The following MAP3K1 variants were observed in gnomAD, a reference collection of about 807,000 sequenced individuals.
MAP3K1 encodes MAP/ERK kinase kinase 1.
Under a neutral mutation model 144.2 loss-of-function variants are expected in MAP3K1, and 36 were observed. That is an observed-to-expected ratio of 0.25 (90% confidence interval 0.19 to 0.33). The LOEUF is 0.33. MAP3K1 is among the 10% of genes least tolerant of loss of function. The pLI is 1.00. For synonymous variants in MAP3K1, 718 were observed against 688.7 expected (o/e 1.04, Z -0.67); for missense variants, 1,650 against 1,881.9 (o/e 0.88, Z 2.28).
At chr5:56,887,653 T>C in intron 18 of MAP3K1, 133 bp downstream of exon 18, 1 of 935,902 alleles carries the variant, frequency 1.1e-6, no homozygotes, top group East Asian at 2.5e-5. Flanking sequence ...AAAATACGGT[T>C]TTAATAATAT....
intron 17 of MAP3K1, among the ~76,000 whole-genome samples, chr5:56,887,029 C>T (rs1748397578): frequency 6.6e-6 from 1 of 152,204 alleles, no homozygotes; most frequent in Non-Finnish European, 1.5e-5. Context: ...TCCCACAGTG[C>T]TGAGATTACA....
chr5:56,824,482 A>C (rs1746249725), intron 1 of MAP3K1, among the ~76,000 whole-genome samples: 1 of 152,250 alleles, frequency 6.6e-6, no homozygotes, highest in South Asian at 2.1e-4. Context: ...CCCCAAAGGC[A>C]GCAGTGTTGG....
intron 1 of MAP3K1, among the ~76,000 whole-genome samples, chr5:56,828,189 T>C (rs1028533151): frequency 6.6e-6 from 1 of 152,132 alleles, no homozygotes; most frequent in Non-Finnish European, 1.5e-5. Flanking sequence ...AACAATACAT[T>C]TTCCCCTGTT....
intron 10 of MAP3K1, among the ~76,000 whole-genome samples, chr5:56,875,588 A>G (rs186152448): frequency 7.9e-5 from 12 of 152,276 alleles, no homozygotes; most frequent in African/African-American, 2.9e-4. Flanking sequence ...GAATATAGTC[A>G]TGGTTTCTTA....
intron 1 of MAP3K1, among the ~76,000 whole-genome samples, chr5:56,833,393 T>C (rs1746555212): frequency 6.6e-6 from 1 of 152,212 alleles, no homozygotes; most frequent in Admixed American, 6.5e-5. Flanking sequence ...TTTGGAGTAC[T>C]TCACAGAGTG....
intron 1 of MAP3K1, among the ~76,000 whole-genome samples, chr5:56,832,897 G>A (rs1227819378): frequency 6.6e-6 from 1 of 152,244 alleles, no homozygotes; most frequent in African/African-American, 2.4e-5. Context: ...TTTTGAGACG[G>A]AGTCTCGCTC....
In MAP3K1 at chr5:56,815,986, C is replaced by T; in HGVS notation, c.413C>T (p.Pro138Leu). 1 of 1,247,914 alleles carries T rather than the reference C, an allele frequency of 8.0e-7. No homozygotes were observed. The highest frequency in any genetic ancestry group is 1.6e-5 in the African/African-American group (1 of 63,964). The allele number at this position is 1,247,914 out of a possible 1,614,324, so 77.3% of individuals were successfully genotyped here. A position where few individuals can be genotyped will look rare whatever the true frequency, so the allele number is the denominator to read the frequency against. The change falls in exon 1 of 20, where the codon CCC (proline) becomes CTC (leucine). Residue 138 changes from proline to leucine, a missense_variant. Transcript: ENST00000399503. ...VAAPDSGASS[P>L]AAAEPGEKRA... ...GCGCCGGACAGCGGCGCCTCGAGTC[C>T]CGCAGCGGCCGAGCCCGGGGAGAAG...
At chr5:56,835,570 A>G (rs1253097287) in intron 1 of MAP3K1, among the ~76,000 whole-genome samples, 2 of 151,954 alleles carry the variant, frequency 1.3e-5, no homozygotes, top group African/African-American at 4.8e-5. Context: ...TGGGAGTGGG[A>G]CGTACTTTAC....
chr5:56,819,291 A>G (rs933883591), intron 1 of MAP3K1, among the ~76,000 whole-genome samples: 1 of 152,226 alleles, frequency 6.6e-6, no homozygotes, highest in African/African-American at 2.4e-5. Flanking sequence ...AAAAACAGGA[A>G]GTAGCCCTGT....
In MAP3K1 at chr5:56,816,728, G is replaced by A. The variant is rs971062282; in HGVS notation, c.482+673G>A. Among the ~76,000 whole-genome samples the A allele has an allele frequency of 2.6e-5, 4 of 152,222 alleles. No individual in the cohort carries two copies. In the South Asian group the frequency reaches 8.3e-4, roughly 31 times the overall value. The stretch of plus-strand genomic sequence containing the variant: ...CGCCTGTCAAAGCCGTGCGGCGGGA[G>A]GCTGCACACTCGCGGAGGCTTGCAG... On this transcript the variant is annotated intron_variant, in intron 1 of 19. Coordinates refer to ENST00000399503, the MANE Select transcript of MAP3K1 (RefSeq NM_005921.2).
intron 9 of MAP3K1, among the ~76,000 whole-genome samples, 196 bp from the exon 10 acceptor site, chr5:56,874,836 A>AT (rs1747972179): frequency 1.3e-5 from 2 of 152,296 alleles, no homozygotes; most frequent in African/African-American, 4.8e-5. Flanking sequence ...ACTTTGGATA[A>AT]TTATCAGTTA....
At chr5:56,836,844 A>G (rs138599586) in intron 1 of MAP3K1, among the ~76,000 whole-genome samples, 3 of 152,302 alleles carry the variant, frequency 2.0e-5, no homozygotes, top group African/African-American at 7.2e-5. Context: ...AACAGTGAAC[A>G]CAATCGATTC....
At chr5:56,888,171 G>T (rs1031018287) in intron 18 of MAP3K1, 55 bp from the exon 19 acceptor site, 1 of 1,523,164 alleles carries the variant, frequency 6.6e-7, no homozygotes, top group African/African-American at 1.4e-5. Context: ...ACTACAAAAT[G>T]GCCTTCTCTT....
intron 1 of MAP3K1, among the ~76,000 whole-genome samples, chr5:56,825,747 T>C (rs1746292779): frequency 2.0e-5 from 3 of 152,166 alleles, no homozygotes. Flanking sequence ...TGAGAATCCA[T>C]CCAACTTCCT....
intron 18 of MAP3K1, 72 bp from the exon 19 acceptor site, chr5:56,888,154 A>G (rs1239698813): frequency 2.9e-6 from 4 of 1,389,654 alleles, no homozygotes; most frequent in Non-Finnish European, 4.1e-6. Flanking sequence ...AGGAAGTAGA[A>G]TCTATAACTA....
intron 3 of MAP3K1, among the ~76,000 whole-genome samples, 161 bp from the exon 4 acceptor site, chr5:56,864,573 C>T (rs1415317275): frequency 1.3e-5 from 2 of 152,070 alleles, no homozygotes; most frequent in Non-Finnish European, 2.9e-5. Context: ...ATGGGTTTCA[C>T]CATGTTAACC....
At chr5:56,831,699 A>G (rs1230626377) in intron 1 of MAP3K1, among the ~76,000 whole-genome samples, 1 of 152,248 alleles carries the variant, frequency 6.6e-6, no homozygotes, top group Non-Finnish European at 1.5e-5. Flanking sequence ...GACTAATGCA[A>G]AAATTAAATG....
At chr5:56,882,907 GGCT>G (rs751706010) in intron 14 of MAP3K1, 41 bp downstream of exon 14, 5 of 1,505,658 alleles carry the variant, frequency 3.3e-6, no homozygotes, top group Non-Finnish European at 4.6e-6. Context: ...ACTTCCTTGG[GGCT>G]GGGCACAGTG....
intron 1 of MAP3K1, among the ~76,000 whole-genome samples, chr5:56,851,079 T>C (rs1236558071): frequency 2.6e-5 from 4 of 151,786 alleles, no homozygotes; most frequent in Non-Finnish European, 2.9e-5. Context: ...CCCTACTAGC[T>C]GGGATTACAG....
Sources: allele counts gnomAD v4.1 joint callset (sites outside exome capture counted in the v4.1 genomes callset), GRCh38; gene constraint gnomAD v4.1.1; transcripts MANE v1.5; gene names NCBI Gene and HGNC (gene_info 2026-07-23, HGNC 2026-07-21).